The following DOK6 variants were observed in gnomAD, a reference collection of about 807,000 sequenced individuals.
DOK6 encodes the protein docking protein 6.
DOK6 carries 22 observed loss-of-function variants against 44.0 expected under a neutral mutation model. That is an observed-to-expected ratio of 0.50 (90% CI 0.36 to 0.71). The LOEUF is 0.71. DOK6 is among the 30% of genes least tolerant of loss of function. The probability of loss-of-function intolerance (pLI) is 0.00; values close to 1 mark genes in which losing one functional copy is unlikely to be tolerated. For missense variants in DOK6, 340 were observed against 416.4 expected (o/e 0.82, Z 1.60); for synonymous variants, 166 against 145.5 (o/e 1.14, Z -1.01).
At chr18:69,785,106 A>T (rs767936344) in intron 7 of DOK6, among the ~76,000 whole-genome samples, 24 of 152,234 alleles carry the variant, frequency 1.6e-4, no homozygotes, top group Admixed American at 3.3e-4. Context: ...TATAGGACAC[A>T]TAATTCAGCA....
At chr18:69,486,432 T>C (rs575355656) in intron 1 of DOK6, among the ~76,000 whole-genome samples, 1 of 152,290 alleles carries the variant, frequency 6.6e-6, no homozygotes, top group South Asian at 2.1e-4. Flanking sequence ...TTCTATTTTT[T>C]AGTTTTTCCT....
chr18:69,465,387 T>C (rs1164071938), intron 1 of DOK6, among the ~76,000 whole-genome samples: 1 of 151,978 alleles, frequency 6.6e-6, no homozygotes, highest in Non-Finnish European at 1.5e-5. Flanking sequence ...ACATATGCCA[T>C]GCTGGTGTGC....
intron 1 of DOK6, among the ~76,000 whole-genome samples, chr18:69,463,651 A>G (rs78904799): frequency 2.9e-5 from 3 of 104,196 alleles, no homozygotes; most frequent in African/African-American, 7.4e-5. Context: ...TTGTGTGTGT[A>G]TGTGTATCTG....
chr18:69,516,219 T>C (rs914004825), intron 1 of DOK6, among the ~76,000 whole-genome samples: 2 of 148,736 alleles, frequency 1.3e-5, no homozygotes, highest in Non-Finnish European at 3.0e-5. Flanking sequence ...GGTATTGTAC[T>C]ATATTCTGGG....
intron 2 of DOK6, among the ~76,000 whole-genome samples, chr18:69,565,390 TTTA>T (rs1460553408): frequency 6.6e-6 from 1 of 152,104 alleles, no homozygotes; most frequent in Non-Finnish European, 1.5e-5. Flanking sequence ...ATAACTAGTA[TTTA>T]TTATTATTAG....
chr18:69,435,743 G>A (rs1978957131), intron 1 of DOK6, among the ~76,000 whole-genome samples: 1 of 151,856 alleles, frequency 6.6e-6, no homozygotes, highest in Non-Finnish European at 1.5e-5. Context: ...ACTTATTATT[G>A]TTTTTATTTT....
intron 3 of DOK6, among the ~76,000 whole-genome samples, chr18:69,619,817 G>T (rs1984398280): frequency 6.6e-6 from 1 of 152,162 alleles, no homozygotes; most frequent in Non-Finnish European, 1.5e-5. Flanking sequence ...GTGAACATGT[G>T]TGTAAACATA....
rs770637210 is a variant in DOK6, at chr18:69,678,768, C to T, written c.409+915C>T. ...GAGCTCATTTATAAAAATATGATCA[C>T]CACCACCAGATGATTGAATAGTGTG... On this transcript the variant is annotated intron_variant, in intron 4 of 7. Transcript: ENST00000382713. Among the ~76,000 whole-genome samples, 34 of 152,146 alleles carry T rather than the reference C, an allele frequency of 2.2e-4. 1 individual carries two copies. The highest frequency in any genetic ancestry group is 1.3e-3 in the Admixed American group (20 of 15,264).
intron 1 of DOK6, among the ~76,000 whole-genome samples, chr18:69,443,647 A>T (rs984992818): frequency 1.3e-5 from 2 of 152,136 alleles, no homozygotes; most frequent in African/African-American, 4.8e-5. Flanking sequence ...ACCATTCAGG[A>T]GCCGTCTCTT....
At chr18:69,609,483 C>CAAAAAATAAATAAATA (rs147856604) in intron 3 of DOK6, among the ~76,000 whole-genome samples, 41,988 of 145,294 alleles carry the variant, frequency 0.29, 6,609 homozygotes, top group Middle Eastern at 0.41. Flanking sequence ...ATGGCTATTA[C>CAAAAAATAAATAAATA]AAGAAATAAA....
intron 1 of DOK6, among the ~76,000 whole-genome samples, chr18:69,467,748 A>T (rs1979969568): frequency 2.0e-5 from 3 of 152,150 alleles, no homozygotes; most frequent in African/African-American, 7.2e-5. Flanking sequence ...TGTTAACATA[A>T]TTACCTGAGG....
chr18:69,641,628 G>T (rs903737057), intron 3 of DOK6, among the ~76,000 whole-genome samples: 2 of 152,172 alleles, frequency 1.3e-5, no homozygotes, highest in African/African-American at 4.8e-5. Flanking sequence ...GATATCAGCT[G>T]CCCATACTAA....
At chr18:69,432,750 A>C (rs1043711700) in intron 1 of DOK6, among the ~76,000 whole-genome samples, 1 of 152,202 alleles carries the variant, frequency 6.6e-6, no homozygotes, top group African/African-American at 2.4e-5. Flanking sequence ...CCCCTTCAAA[A>C]AAAAGAAAAA....
At chr18:69,665,352 G>C (rs1314137724) in intron 3 of DOK6, among the ~76,000 whole-genome samples, 1 of 152,166 alleles carries the variant, frequency 6.6e-6, no homozygotes. Context: ...TGTGAAATGA[G>C]ATGGGATAGA....
chr18:69,666,876 G>A (rs2144676642), intron 3 of DOK6, among the ~76,000 whole-genome samples: 1 of 152,274 alleles, frequency 6.6e-6, no homozygotes, highest in East Asian at 1.9e-4. Context: ...CCAACTCAAG[G>A]GAGCTTTCCT....
chr18:69,677,935 T>C (rs1985961819), intron 4 of DOK6, 82 bp downstream of exon 4: 5 of 1,507,870 alleles, frequency 3.3e-6, no homozygotes, highest in Middle Eastern at 3.6e-4. Flanking sequence ...CTCAGAAATG[T>C]TTCAGACCAA....
At position 69,477,620 on chromosome 18, in the gene DOK6, A is replaced by C. The variant is rs1020010375; in HGVS notation, c.66+76310A>C. On this transcript the variant is annotated intron_variant, in intron 1 of 7. Transcript: ENST00000382713. ...ATAGAAGCTAATGTATATTTAGTAC[A>C]GGCTATTCTATGCATGTTTTAAAAT... Among the ~76,000 whole-genome samples the C allele has an allele frequency of 1.2e-4, 18 of 152,306 alleles. 1 individual carries two copies. Among genetic ancestry groups the C allele is most frequent in the African/African-American group, 4.3e-4 (18 of 41,570 alleles).
chr18:69,662,213 CAG>C, intron 3 of DOK6: 1 of 152,446 alleles, frequency 6.6e-6, no homozygotes, highest in Admixed American at 6.5e-5. Context: ...CTCCTAATCT[CAG>C]CTGATCCACC....
intron 7 of DOK6, among the ~76,000 whole-genome samples, chr18:69,783,156 T>G (rs549221322): frequency 6.6e-6 from 1 of 152,214 alleles, no homozygotes; most frequent in African/African-American, 2.4e-5. Context: ...AGCAGACAGC[T>G]CCTACTGTGG....
Sources: gnomAD v4.1 joint callset for allele counts (sites outside exome capture counted in the v4.1 genomes callset) on GRCh38, gnomAD v4.1.1 for gene constraint, MANE v1.5 for transcripts, NCBI Gene and HGNC (gene_info 2026-07-23, HGNC 2026-07-21) for gene names.